IGFBP6: variants seen among roughly 807,000 people sequenced by gnomAD.
IGFBP6 encodes insulin like growth factor binding protein 6.
IGFBP6 carries 24 observed loss-of-function variants against 24.5 expected under a neutral mutation model. The observed-to-expected ratio is 0.98, with a 90% CI of 0.71 to 1.38. IGFBP6 has a LOEUF of 1.38. Among genes scored for constraint, IGFBP6 ranks in the 40% most tolerant of loss-of-function variants. The pLI is 0.00. For synonymous variants in IGFBP6, 147 were observed against 137.4 expected (o/e 1.07, Z -0.49); for missense variants, 331 against 324.8 (o/e 1.02, Z -0.15).
chr12:53,101,924 A>AATT, intron 3 of IGFBP6, 121 bp from the exon 4 acceptor site: 1 of 789,464 alleles, frequency 1.3e-6, no homozygotes, highest in Non-Finnish European at 1.9e-6. Flanking sequence ...AAAAAAAAAA[A>AATT]GAGAGGGAAC....
intron 1 of IGFBP6, chr12:53,099,107 G>C (rs1208355970): frequency 3.5e-6 from 1 of 288,988 alleles, no homozygotes; most frequent in Non-Finnish European, 7.3e-6. Context: ...CCTGGGTTGT[G>C]AGTGGTAGTT....
chr12:53,097,895 G>A lies in IGFBP6; in HGVS notation c.178G>A (p.Ala60Thr). 1 of 1,518,308 alleles carries A rather than the reference G, an allele frequency of 6.6e-7. No homozygotes were observed. The highest frequency in any genetic ancestry group is 1.2e-5 in the South Asian group (1 of 80,610). The allele number at this position is 1,518,308 out of a possible 1,614,324, so 94.1% of individuals were successfully genotyped here. A position where few individuals can be genotyped will look rare whatever the true frequency, so the allele number is the denominator to read the frequency against. ...GGSPAEGCAE[A>T]EGCLRREGQE... ...GTCGCCAGCCGAGGGCTGCGCGGAA[G>A]CTGAGGGCTGTCTCAGGAGGGAGGG... is the stretch of plus-strand genomic sequence containing the variant. The change falls in exon 1 of 4, where the codon GCT (alanine) becomes ACT (threonine). Residue 60 changes from alanine (A) to threonine (T), a missense_variant. Transcript: ENST00000301464.
chr12:53,100,079 C>T (rs984718081), intron 1 of IGFBP6, among the ~76,000 whole-genome samples: 3 of 152,126 alleles, frequency 2.0e-5, no homozygotes, highest in African/African-American at 7.2e-5. Flanking sequence ...AGGCTGGTCT[C>T]GAACGCCTGA....
At chr12:53,098,113 T>C in intron 1 of IGFBP6, 62 bp downstream of exon 1, 2 of 1,374,814 alleles carry the variant, frequency 1.5e-6, no homozygotes, top group Non-Finnish European at 1.9e-6. Context: ...GGCAGGGTCC[T>C]GGGGAGACGG....
chr12:53,098,661 G>T (rs1488102124), intron 1 of IGFBP6, among the ~76,000 whole-genome samples: 2 of 152,244 alleles, frequency 1.3e-5, no homozygotes, highest in African/African-American at 2.4e-5. Flanking sequence ...GAAAGAGTAG[G>T]GGAAAGAGGG....
intron 1 of IGFBP6, among the ~76,000 whole-genome samples, chr12:53,100,446 G>A (rs1172334936): frequency 6.6e-6 from 1 of 152,262 alleles, no homozygotes; most frequent in Non-Finnish European, 1.5e-5. Flanking sequence ...ACAGGCGTGA[G>A]CCATTGCACC....
chr12:53,101,329 T>G (rs1268795193), intron 3 of IGFBP6, among the ~76,000 whole-genome samples, 169 bp downstream of exon 3: 1 of 152,154 alleles, frequency 6.6e-6, no homozygotes, highest in Non-Finnish European at 1.5e-5. Flanking sequence ...TAGAGAATAA[T>G]CAACCACACA....
Position 53,100,728 on chromosome 12 carries a change from T to C in IGFBP6, c.351T>C (p.Pro117=). 1.9e-6 allele frequency: 3 copies of C among 1,614,132 alleles called. No individual in the cohort carries two copies. Among genetic ancestry groups the C allele is most frequent in the Non-Finnish European group, 2.5e-6 (3 of 1,180,036 alleles). Residue 117 remains proline (P), a synonymous_variant, in exon 2 of 4, where the codon CCT becomes CCC. Transcript: ENST00000301464. ...ARAPAVAEEN[P]KESKPQAGTA... is the part of the protein sequence containing the mutation. ...CTCCTCCAGTTGCAGAGGAGAATCCTAAGGAGAGTAAACCCCAAGCAGGCA... is the reference window on the plus strand; with the variant it reads ...CTCCTCCAGTTGCAGAGGAGAATCCCAAGGAGAGTAAACCCCAAGCAGGCA...
At chr12:53,098,122 G>C in intron 1 of IGFBP6, 71 bp downstream of exon 1, 4 of 1,361,410 alleles carry the variant, frequency 2.9e-6, no homozygotes, top group African/African-American at 3.1e-5. Flanking sequence ...CTGGGGAGAC[G>C]GGAGTGGGTG....
rs375754187 is a variant in IGFBP6 at position 53,100,712 on chromosome 12, T to C, written c.335T>C (p.Val112Ala). ...GRCLPARAPA[V>A]AEENPKESKP... ...TCTCCTTCTCCTATTCCTCCTCCAGTTGCAGAGGAGAATCCTAAGGAGAGT... is the reference window on the plus strand; with the variant it reads ...TCTCCTTCTCCTATTCCTCCTCCAGCTGCAGAGGAGAATCCTAAGGAGAGT... Residue 112 changes from valine to alanine, a missense_variant and splice_region_variant, in exon 2 of 4, where the codon GTT (valine) becomes GCT (alanine). Coordinates refer to ENST00000301464, the MANE Select transcript of IGFBP6 (RefSeq NM_002178.3). The C allele has an allele frequency of 1.3e-5, 21 of 1,614,024 alleles. No individual in the cohort carries two copies. The East Asian group carries it at 1.6e-4, about 12-fold the overall frequency.
intron 3 of IGFBP6, 42 bp downstream of exon 3, chr12:53,101,202 C>G (rs761131705): frequency 1.9e-6 from 3 of 1,604,018 alleles, no homozygotes; most frequent in Non-Finnish European, 2.6e-6. Context: ...GCAGAAGGCT[C>G]CTGCCAGGGA....
chr12:53,097,667 A>G lies in IGFBP6; in HGVS notation c.-51A>G. ...AGACAGAGGGGCGGCGGCGGGCAGC[A>G]GCTGCGCTGCGACTGCTCTGGAAGG... On this transcript the variant is annotated 5_prime_UTR_variant, in exon 1 of 4. Coordinates refer to ENST00000301464, the MANE Select transcript of IGFBP6 (RefSeq NM_002178.3). 6.6e-7 allele frequency: 1 copy of G among 1,513,254 alleles called. No individual in the cohort carries two copies. Among genetic ancestry groups the G allele is most frequent in the East Asian group, 2.6e-5 (1 of 38,630 alleles). 93.7% of individuals were successfully genotyped at this position (1,513,254 alleles called of 1,614,324 possible).
rs960865174 is a variant in IGFBP6, at chr12:53,102,222, A to G, written c.*55A>G. 1.3e-6 allele frequency: 2 copies of G among 1,599,604 alleles called. No individual in the cohort carries two copies. The highest frequency in any genetic ancestry group is 1.7e-6 in the Non-Finnish European group (2 of 1,173,570). On this transcript the variant is annotated 3_prime_UTR_variant, in exon 4 of 4. Transcript: ENST00000301464. ...CTGGAAGGAACATGGAGCTGTCATC[A>G]CTCAACAAAAAACCGAGGCCCTCAA...
Position 53,102,185 on chromosome 12 carries a change from G to A in IGFBP6, c.*18G>A, listed in dbSNP as rs1361104575. On this transcript the variant is annotated 3_prime_UTR_variant, in exon 4 of 4. Coordinates refer to ENST00000301464, the MANE Select transcript of IGFBP6 (RefSeq NM_002178.3). ...GCGGCTAAAGCTGGGGGATAGAGGG[G>A]CTGCAGGGCCACTGGAAGGAACATG... is the stretch of plus-strand genomic sequence containing the variant. The A allele has an allele frequency of 6.2e-7, 1 of 1,613,162 alleles. No individual in the cohort carries two copies. Among genetic ancestry groups the A allele is most frequent in the Admixed American group, 1.7e-5 (1 of 59,836 alleles).
At position 53,098,117 on chromosome 12, in the gene IGFBP6, G is replaced by A. The variant is rs910201966; in HGVS notation, c.334+66G>A. The A allele has an allele frequency of 4.4e-6, 6 of 1,372,940 alleles. No homozygotes were observed. The African/African-American group carries it at 9.2e-5, about 21-fold the overall frequency. The allele number at this position is 1,372,940 out of a possible 1,614,324, so 85.0% of individuals were successfully genotyped here. ...CGCGTCCTCCAGGCAGGGTCCTGGG[G>A]AGACGGGAGTGGGTGGCCCGGCAAG... On this transcript the variant is annotated intron_variant, in intron 1 of 3. Transcript: ENST00000301464.
intron 3 of IGFBP6, among the ~76,000 whole-genome samples, 189 bp from the exon 4 acceptor site, chr12:53,101,856 G>C (rs1483529928): frequency 7.8e-6 from 1 of 127,540 alleles, no homozygotes; most frequent in African/African-American, 3.0e-5. Flanking sequence ...CAGAGATCAT[G>C]CCAATGCATT....
chr12:53,097,850 G>A lies in IGFBP6; in HGVS notation c.133G>A (p.Val45Met). 1.3e-6 allele frequency: 2 copies of A among 1,526,406 alleles called. No homozygotes were observed. The highest frequency in any genetic ancestry group is 1.8e-6 in the Non-Finnish European group (2 of 1,139,544). The allele number at this position is 1,526,406 out of a possible 1,614,324, so 94.6% of individuals were successfully genotyped here. A position where few individuals can be genotyped will look rare whatever the true frequency, so the allele number is the denominator to read the frequency against. The change falls in exon 1 of 4, where the codon GTG (valine) becomes ATG (methionine). Residue 45 changes from valine (V) to methionine (M), a missense_variant. Transcript: ENST00000301464. ...GVQAGCPGGC[V>M]EEEDGGSPAE... ...GCAGGCGGGTTGTCCAGGGGGCTGCGTGGAGGAGGAGGATGGGGGGTCGCC... is the reference window on the plus strand; with the variant it reads ...GCAGGCGGGTTGTCCAGGGGGCTGCATGGAGGAGGAGGATGGGGGGTCGCC...
In IGFBP6 at chr12:53,097,976, C is replaced by A; in HGVS notation, c.259C>A (p.Pro87Thr). Reference sequence around the variant, plus strand: ...CGCCCCAGGACTGCAGTGCCATCCGCCCAAGGACGACGAGGCGCCTTTGCG... The same window carrying A: ...CGCCCCAGGACTGCAGTGCCATCCGACCAAGGACGACGAGGCGCCTTTGCG... ...NCAPGLQCHPPKDDEAPLRAL... is the reference protein window; with the variant it reads ...NCAPGLQCHPTKDDEAPLRAL... The change falls in exon 1 of 4, where the codon CCC (proline) becomes ACC (threonine). Residue 87 changes from proline (P) to threonine (T), a missense_variant. Transcript: ENST00000301464. 4 of 1,515,820 alleles carry A rather than the reference C, an allele frequency of 2.6e-6. No individual in the cohort carries two copies. Among genetic ancestry groups the A allele is most frequent in the Non-Finnish European group, 2.6e-6 (3 of 1,138,626 alleles). The allele number at this position is 1,515,820 out of a possible 1,614,324, so 93.9% of individuals were successfully genotyped here.
chr12:53,101,431 A>C (rs1937826511), intron 3 of IGFBP6, among the ~76,000 whole-genome samples: 1 of 152,178 alleles, frequency 6.6e-6, no homozygotes, highest in Non-Finnish European at 1.5e-5. Flanking sequence ...TGCCACACAG[A>C]TAGCTGAGCC....
Sources: gnomAD v4.1 joint callset for allele counts (sites outside exome capture counted in the v4.1 genomes callset) on GRCh38, gnomAD v4.1.1 for gene constraint, MANE v1.5 for transcripts, NCBI Gene and HGNC (gene_info 2026-07-23, HGNC 2026-07-21) for gene names.